The following RANBP17 variants were observed in gnomAD, a reference collection of about 807,000 sequenced individuals.
RANBP17 encodes ran-binding protein 17.
RANBP17 carries 158 observed loss-of-function variants against 141.2 expected under a neutral mutation model. That is an observed-to-expected ratio of 1.12 (90% confidence interval 0.98 to 1.28). The LOEUF (loss-of-function observed/expected upper bound fraction) is 1.28, where lower values mean the gene tolerates loss of function less well. Among genes scored for constraint, RANBP17 ranks in the 50% most tolerant of loss-of-function variants. The pLI, the probability that RANBP17 is intolerant of heterozygous loss-of-function variation, is 0.00. For missense variants in RANBP17, 1,438 were observed against 1,290.7 expected (o/e 1.11, Z -1.75); for synonymous variants, 430 against 450.0 (o/e 0.96, Z 0.56).
At chr5:171,239,502 A>G (rs1048508370) in intron 22 of RANBP17, among the ~76,000 whole-genome samples, 4 of 152,198 alleles carry the variant, frequency 2.6e-5, no homozygotes, top group Admixed American at 6.5e-5. Context: ...ATTAGACCTT[A>G]TACAATCTTA....
chr5:171,220,532 T>C (rs2127980526), intron 21 of RANBP17, among the ~76,000 whole-genome samples: 1 of 133,894 alleles, frequency 7.5e-6, no homozygotes, highest in South Asian at 2.6e-4. Flanking sequence ...CATTGCAACC[T>C]CCACCTCCCA....
intron 24 of RANBP17, among the ~76,000 whole-genome samples, chr5:171,256,908 G>T (rs1304581196): frequency 2.6e-5 from 4 of 151,450 alleles, no homozygotes; most frequent in African/African-American, 9.7e-5. Flanking sequence ...GATCAAATCA[G>T]TAATTTAAAA....
intron 14 of RANBP17, among the ~76,000 whole-genome samples, chr5:171,054,495 G>GT (rs1288130145): frequency 1.3e-5 from 2 of 152,140 alleles, no homozygotes; most frequent in African/African-American, 4.8e-5. Flanking sequence ...TAGTGGGAGT[G>GT]TTTTTTAGCA....
chr5:171,056,320 A>T (rs1374172604), intron 14 of RANBP17, among the ~76,000 whole-genome samples: 1 of 152,128 alleles, frequency 6.6e-6, no homozygotes, highest in African/African-American at 2.4e-5. Flanking sequence ...TCTATAGCTG[A>T]CTTATAAACC....
chr5:171,136,334 AAT>A lies in RANBP17; in HGVS notation c.1711-33791_1711-33790del, dbSNP rs139517358. 3.8e-3 allele frequency among the ~76,000 whole-genome samples: 576 copies of A among 152,250 alleles called. 3 individuals carry two copies. The highest frequency in any genetic ancestry group is 0.014 in the African/African-American group (561 of 41,546). On this transcript the variant is annotated intron_variant, in intron 14 of 27. Transcript: ENST00000523189. Reference sequence around the variant, plus strand: ...ATATCAACTGGATGTTCATGTTTATAATATATGTCTGTGTGTGTGTTATATCT... The same window carrying A: ...ATATCAACTGGATGTTCATGTTTATAATATGTCTGTGTGTGTGTTATATCT...
chr5:171,093,492 C>T (rs371820314), intron 14 of RANBP17, among the ~76,000 whole-genome samples: 2 of 152,064 alleles, frequency 1.3e-5, no homozygotes, highest in Non-Finnish European at 2.9e-5. Context: ...CAATCAAGAA[C>T]CCGTTGTATG....
intron 14 of RANBP17, among the ~76,000 whole-genome samples, chr5:171,040,016 C>G (rs2061324): frequency 0.61 from 93,183 of 151,854 alleles, 29,891 homozygotes; most frequent in South Asian, 0.88. Flanking sequence ...CTCCCTAACT[C>G]ATTCCGTGAA....
At chr5:171,263,248 TCTC>T (rs1395767567) in intron 24 of RANBP17, among the ~76,000 whole-genome samples, 2 of 152,318 alleles carry the variant, frequency 1.3e-5, no homozygotes, top group South Asian at 4.1e-4. Context: ...TTAGTCTCCT[TCTC>T]CTCTTCTGAG....
intron 14 of RANBP17, among the ~76,000 whole-genome samples, chr5:171,150,663 T>C (rs148347558): frequency 3.9e-5 from 6 of 152,328 alleles, no homozygotes; most frequent in African/African-American, 1.4e-4. Context: ...AATGATTCTT[T>C]AAGAAGTTGA....
intron 14 of RANBP17, among the ~76,000 whole-genome samples, chr5:171,169,743 G>A (rs1179537090): frequency 6.6e-6 from 1 of 151,834 alleles, no homozygotes; most frequent in South Asian, 2.1e-4. Flanking sequence ...TCTAGAATAG[G>A]TGGAAAATTT....
At chr5:171,285,850 A>C (rs1241937156) in intron 25 of RANBP17, among the ~76,000 whole-genome samples, 2 of 152,190 alleles carry the variant, frequency 1.3e-5, no homozygotes, top group Admixed American at 6.5e-5. Flanking sequence ...TTTCATTGTG[A>C]TGTGTGCAGT....
intron 5 of RANBP17, among the ~76,000 whole-genome samples, chr5:170,907,720 C>T (rs936930906): frequency 2.6e-5 from 4 of 151,524 alleles, no homozygotes; most frequent in African/African-American, 7.3e-5. Context: ...AAGGAATAAG[C>T]GAAATAATAT....
At chr5:170,984,968 GACAC>G (rs894461805) in intron 14 of RANBP17, among the ~76,000 whole-genome samples, 5 of 151,548 alleles carry the variant, frequency 3.3e-5, no homozygotes, top group East Asian at 1.9e-4. Context: ...TTAAAATACA[GACAC>G]ACACACAAAG....
chr5:171,274,983 C>T (rs941072503), intron 25 of RANBP17, among the ~76,000 whole-genome samples: 5 of 152,084 alleles, frequency 3.3e-5, no homozygotes, highest in African/African-American at 1.2e-4. Context: ...CCCTTCCCAA[C>T]CCCCACTAGG....
At chr5:171,095,144 A>G (rs1786592388) in intron 14 of RANBP17, among the ~76,000 whole-genome samples, 1 of 152,214 alleles carries the variant, frequency 6.6e-6, no homozygotes, top group African/African-American at 2.4e-5. Context: ...AGTCTGTGAT[A>G]TTCTGTTATA....
In RANBP17 at chr5:170,892,469, A is replaced by T; in HGVS notation, c.339A>T (p.Lys113Asn). Residue 113 changes from lysine (K) to asparagine (N), a missense_variant, in exon 4 of 28, where the codon AAA (lysine) becomes AAT (asparagine). Transcript: ENST00000523189. ...AAGCTCTTATTCAAGTCATTGCTAA[A>T]ATCACTAAGTTGGGGTGGTTTGAGG... is the stretch of plus-strand genomic sequence containing the variant. The part of the protein sequence containing the change: ...VIQALIQVIA[K>N]ITKLGWFEVQ... 6.2e-7 allele frequency: 1 copy of T among 1,614,104 alleles called. No homozygotes were observed. Among genetic ancestry groups the T allele is most frequent in the Non-Finnish European group, 8.5e-7 (1 of 1,179,994 alleles).
At chr5:171,122,770 T>G (rs1346605468) in intron 14 of RANBP17, among the ~76,000 whole-genome samples, 1 of 152,174 alleles carries the variant, frequency 6.6e-6, no homozygotes, top group African/African-American at 2.4e-5. Context: ...GTACTGTTTC[T>G]CACACCCCTC....
At chr5:171,174,681 A>C (rs1760315545) in intron 16 of RANBP17, among the ~76,000 whole-genome samples, 1 of 151,594 alleles carries the variant, frequency 6.6e-6, no homozygotes, top group African/African-American at 2.4e-5. Flanking sequence ...TTCATTCTCT[A>C]TCAGGCCCTC....
At chr5:170,886,191 A>G (rs533440911) in intron 3 of RANBP17, among the ~76,000 whole-genome samples, 26 of 152,184 alleles carry the variant, frequency 1.7e-4, no homozygotes, top group Admixed American at 6.6e-5. Flanking sequence ...TTAGGGGCAC[A>G]TAGACCACTT....
Sources: allele counts gnomAD v4.1 joint callset (sites outside exome capture counted in the v4.1 genomes callset), GRCh38; gene constraint gnomAD v4.1.1; transcripts MANE v1.5; gene names NCBI Gene and HGNC (gene_info 2026-07-23, HGNC 2026-07-21).